The following IGSF21 variants were observed in gnomAD, a reference collection of about 807,000 sequenced individuals.
IGSF21 encodes the protein immunoglobin superfamily member 21.
Under a neutral mutation model 46.8 loss-of-function variants are expected in IGSF21, and 28 were observed. The ratio of observed to expected loss-of-function variants is 0.60; its 90% CI spans 0.44 to 0.82. The LOEUF (loss-of-function observed/expected upper bound fraction) is 0.82, where lower values mean the gene tolerates loss of function less well. Among genes scored for constraint, IGSF21 ranks in the 40% least tolerant of loss-of-function variants. The pLI, the probability that IGSF21 is intolerant of heterozygous loss-of-function variation, is 0.00. For missense variants in IGSF21, 624 were observed against 665.5 expected (o/e 0.94, Z 0.69); for synonymous variants, 284 against 273.6 (o/e 1.04, Z -0.38).
At chr1:18,155,644 T>C (rs1273037539) in intron 1 of IGSF21, among the ~76,000 whole-genome samples, 1 of 152,086 alleles carries the variant, frequency 6.6e-6, no homozygotes, top group East Asian at 1.9e-4. Flanking sequence ...CTCAACCAAG[T>C]CATAGGACAT....
At chr1:18,372,697 G>T (rs1423839565) in intron 6 of IGSF21, among the ~76,000 whole-genome samples, 1 of 149,820 alleles carries the variant, frequency 6.7e-6, no homozygotes, top group Non-Finnish European at 1.5e-5. Context: ...TGAGTGTTTA[G>T]ATGGGTGGAT....
intron 1 of IGSF21, among the ~76,000 whole-genome samples, chr1:18,189,149 C>T (rs1009263797): frequency 5.9e-5 from 9 of 152,238 alleles, no homozygotes; most frequent in Non-Finnish European, 8.8e-5. Flanking sequence ...GGCCTCATAG[C>T]GGGGTGCCAG....
At chr1:18,166,486 T>C (rs1427882947) in intron 1 of IGSF21, among the ~76,000 whole-genome samples, 1 of 152,164 alleles carries the variant, frequency 6.6e-6, no homozygotes, top group Admixed American at 6.5e-5. Flanking sequence ...CTGAGTCTCT[T>C]TTCTATAAAC....
chr1:18,323,417 CA>C (rs1259531079), intron 3 of IGSF21, among the ~76,000 whole-genome samples: 1 of 152,148 alleles, frequency 6.6e-6, no homozygotes, highest in Non-Finnish European at 1.5e-5. Flanking sequence ...CGTCCAGCAC[CA>C]AAAGTCCCCT....
Position 18,334,835 on chromosome 1 carries a change from G to T in IGSF21, c.306-57G>T. 7.7e-7 allele frequency: 1 copy of T among 1,300,350 alleles called. No homozygotes were observed. The highest frequency in any genetic ancestry group is 1.2e-5 in the South Asian group (1 of 84,316). The allele number at this position is 1,300,350 out of a possible 1,614,324, so 80.6% of individuals were successfully genotyped here. On this transcript the variant is annotated intron_variant, in intron 3 of 9. Transcript: ENST00000251296. This position sits in a 1 kb window ranked among gnomAD's most constrained non-coding sequence, Gnocchi z 4.3. ...GGCATCAGGATGAGTTTCCTTGAAC[G>T]CTGCCTCACCCAGCCCCACGATGAA...
intron 1 of IGSF21, among the ~76,000 whole-genome samples, chr1:18,128,295 T>C (rs2086290198): frequency 6.6e-6 from 1 of 152,122 alleles, no homozygotes; most frequent in Non-Finnish European, 1.5e-5. Context: ...TGTGAGGGAC[T>C]CAGGAGCAGA....
chr1:18,169,423 G>A (rs937709439), intron 1 of IGSF21, among the ~76,000 whole-genome samples: 3 of 152,170 alleles, frequency 2.0e-5, no homozygotes, highest in African/African-American at 4.8e-5. Flanking sequence ...TCTTGCCCAC[G>A]CTAACTGGGA....
chr1:18,285,998 G>T (rs1460080325), intron 2 of IGSF21, among the ~76,000 whole-genome samples: 2 of 152,154 alleles, frequency 1.3e-5, no homozygotes, highest in Non-Finnish European at 2.9e-5. Context: ...AGGGAGGCAT[G>T]ATCCTTCCCG....
chr1:18,244,156 G>A (rs999800103), intron 2 of IGSF21, among the ~76,000 whole-genome samples: 1 of 152,216 alleles, frequency 6.6e-6, no homozygotes, highest in African/African-American at 2.4e-5. Flanking sequence ...TGCAAATGTC[G>A]TTTCTCAGGA....
chr1:18,137,794 G>T (rs577124493), intron 1 of IGSF21, among the ~76,000 whole-genome samples: 1 of 152,298 alleles, frequency 6.6e-6, no homozygotes, highest in African/African-American at 2.4e-5. Context: ...TTTATGTAGT[G>T]CTTACTGTGC....
At chr1:18,341,465 A>G (rs1569845367) in intron 4 of IGSF21, among the ~76,000 whole-genome samples, 1 of 152,198 alleles carries the variant, frequency 6.6e-6, no homozygotes, top group South Asian at 2.1e-4. Flanking sequence ...GATGTAGCAC[A>G]CCAAGATTCC....
At chr1:18,157,369 G>A (rs1408312648) in intron 1 of IGSF21, among the ~76,000 whole-genome samples, 1 of 152,150 alleles carries the variant, frequency 6.6e-6, no homozygotes, top group East Asian at 1.9e-4. Context: ...AGCCACTCTG[G>A]GGGCAGCTCC....
intron 1 of IGSF21, among the ~76,000 whole-genome samples, chr1:18,225,034 C>T (rs1249287561): frequency 6.8e-6 from 1 of 147,724 alleles, no homozygotes; most frequent in Non-Finnish European, 1.5e-5. Context: ...CACTGCACTC[C>T]AGCCTGGATG....
intron 1 of IGSF21, among the ~76,000 whole-genome samples, chr1:18,185,613 A>G (rs997812916): frequency 1.3e-5 from 2 of 152,158 alleles, no homozygotes; most frequent in Non-Finnish European, 2.9e-5. Flanking sequence ...CCTGGTGTTA[A>G]AGATAGATTT....
chr1:18,120,574 G>A (rs2086225902), intron 1 of IGSF21, among the ~76,000 whole-genome samples: 1 of 152,184 alleles, frequency 6.6e-6, no homozygotes, highest in African/African-American at 2.4e-5. Flanking sequence ...GTACCTGACA[G>A]GGTTGTGGCG....
intron 6 of IGSF21, among the ~76,000 whole-genome samples, chr1:18,375,660 G>T (rs1472353413): frequency 6.6e-6 from 1 of 152,182 alleles, no homozygotes; most frequent in Non-Finnish European, 1.5e-5. Flanking sequence ...CCTACCCAGA[G>T]GTTCTAGAAA....
Position 18,362,232 on chromosome 1 carries a change from T to A in IGSF21, c.540+2T>A, listed in dbSNP as rs2086108890. ...TCTGGAGGAAAACCAGCACCCATGG[T>A]GAGTACCCCTGGAGTGCCCAGCTCC... On this transcript the variant is annotated splice_donor_variant, in intron 5 of 9. Transcript: ENST00000251296. LOFTEE classifies it high-confidence loss of function. The A allele has an allele frequency of 6.2e-7, 1 of 1,602,630 alleles. No individual in the cohort carries two copies. The highest frequency in any genetic ancestry group is 8.5e-7 in the Non-Finnish European group (1 of 1,172,596).
rs191651886 is a variant in IGSF21 at position 18,303,697 on chromosome 1, G to A, written c.305+11710G>A. On this transcript the variant is annotated intron_variant, in intron 3 of 9. Coordinates refer to ENST00000251296, the MANE Select transcript of IGSF21 (RefSeq NM_032880.5). ...TGTTTGTTTATTAACTGTAGACATC[G>A]GGAGACAGAGATGAGCAGGACAGGT... 2.6e-3 allele frequency among the ~76,000 whole-genome samples: 401 copies of A among 152,282 alleles called. 2 individuals are homozygous for A. Among genetic ancestry groups the A allele is most frequent in the Non-Finnish European group, 3.8e-3 (259 of 68,030 alleles).
At chr1:18,286,369 A>T (rs2085212116) in intron 2 of IGSF21, among the ~76,000 whole-genome samples, 1 of 152,152 alleles carries the variant, frequency 6.6e-6, no homozygotes. Flanking sequence ...TCTGGGATAC[A>T]GGGCTCTTGG....
Sources: allele counts gnomAD v4.1 joint callset (sites outside exome capture counted in the v4.1 genomes callset), GRCh38; gene constraint gnomAD v4.1.1; non-coding constraint Gnocchi (gnomAD v3.1); transcripts MANE v1.5; gene names NCBI Gene and HGNC (gene_info 2026-07-23, HGNC 2026-07-21).